Variants in RTN4 observed in about 807,000 individuals in gnomAD.
RTN4 encodes the protein reticulon-4.
RTN4 carries 32 observed loss-of-function variants against 90.4 expected under a neutral mutation model. The observed-to-expected ratio is 0.35, with a 90% CI of 0.27 to 0.48. RTN4 has a LOEUF of 0.48. RTN4 is among the 20% of genes least tolerant of loss of function. The pLI is 0.99. For missense variants in RTN4, 1,706 were observed against 1,430.2 expected (o/e 1.19, Z -3.11); for synonymous variants, 629 against 552.5 (o/e 1.14, Z -1.94).
At chr2:55,070,028 T>A (rs547436453) in intron 2 of RTN4, among the ~76,000 whole-genome samples, 1 of 152,306 alleles carries the variant, frequency 6.6e-6, no homozygotes, top group East Asian at 1.9e-4. Flanking sequence ...GTGGTTTCGA[T>A]GGCAGAGACT....
At chr2:54,982,467 G>C (rs1558761925) in intron 5 of RTN4, 48 bp downstream of exon 5, 6 of 1,521,014 alleles carry the variant, frequency 3.9e-6, no homozygotes, top group Non-Finnish European at 5.4e-6. Context: ...CAACTCTCTT[G>C]ATACTAAATT....
chr2:55,004,726 C>T (rs957758978), intron 3 of RTN4, among the ~76,000 whole-genome samples: 1 of 151,914 alleles, frequency 6.6e-6, no homozygotes, highest in African/African-American at 2.4e-5. Context: ...ATCAGAAGAC[C>T]CAGTGATGAA....
the RTN4 span, among the ~76,000 whole-genome samples, chr2:55,120,754 C>T: frequency 6.6e-6 from 1 of 151,932 alleles, no homozygotes; most frequent in Non-Finnish European, 1.5e-5. Flanking sequence ...CCAGGCAGGG[C>T]TCGGGCGGGC....
At chr2:54,980,345 G>GT (rs1398335079) in intron 5 of RTN4, among the ~76,000 whole-genome samples, 1 of 142,102 alleles carries the variant, frequency 7.0e-6, no homozygotes, top group African/African-American at 2.6e-5. Flanking sequence ...CTCTTGCCCC[G>GT]TATCTACACA....
chr2:55,116,852 G>A (rs1020121245), upstream of RTN4, among the ~76,000 whole-genome samples: 2 of 147,294 alleles, frequency 1.4e-5, no homozygotes, highest in African/African-American at 5.0e-5. Flanking sequence ...ATGCATAGCT[G>A]TTTCTTTTTC....
At chr2:54,979,231 T>G (rs879260830) in intron 5 of RTN4, among the ~76,000 whole-genome samples, 122 of 151,986 alleles carry the variant, frequency 8.0e-4, no homozygotes, top group Non-Finnish European at 1.4e-3. Context: ...TTTTCAGTTT[T>G]TTTTTTTTTA....
upstream of RTN4, among the ~76,000 whole-genome samples, chr2:55,115,535 A>G (rs1326414348): frequency 6.6e-6 from 1 of 152,234 alleles, no homozygotes. Context: ...GAAGATTTCT[A>G]GAAATCTGAG....
chr2:55,078,409 T>C (rs1573502383), intron 2 of RTN4, among the ~76,000 whole-genome samples: 1 of 152,176 alleles, frequency 6.6e-6, no homozygotes, highest in African/African-American at 2.4e-5. Context: ...CAGCCTAGTT[T>C]TGCCATATTA....
rs1335522753 is a variant in RTN4 at position 55,093,538 on chromosome 2, G to A, written c.-213-12899C>T. ...GCACTCATAACCTCTAAGTGATTCC[G>A]CAGCATAGCTTAGAGGTGATGCTTC... On this transcript the variant is annotated intron_variant, in intron 1 of 3. Coordinates refer to the RTN4 transcript ENST00000427710. 3.3e-5 allele frequency among the ~76,000 whole-genome samples: 5 copies of A among 152,022 alleles called. No individual in the cohort carries two copies. In the East Asian group the frequency reaches 5.8e-4, roughly 18 times the overall value.
intron 1 of RTN4, among the ~76,000 whole-genome samples, chr2:55,038,491 A>G (rs528074328): frequency 7.8e-6 from 1 of 127,928 alleles, no homozygotes; most frequent in Non-Finnish European, 1.8e-5. Flanking sequence ...CACTTCACCA[A>G]AGAAAACACA....
At chr2:55,094,461 T>C (rs1265814539) in intron 1 of RTN4, among the ~76,000 whole-genome samples, 1 of 152,218 alleles carries the variant, frequency 6.6e-6, no homozygotes. Context: ...TGGGTACTGT[T>C]GCGCAGTGAA....
At chr2:55,109,285 C>T (rs1667995658) in intron 1 of RTN4, among the ~76,000 whole-genome samples, 2 of 152,114 alleles carry the variant, frequency 1.3e-5, no homozygotes, top group Non-Finnish European at 2.9e-5. Flanking sequence ...AGTCACTGAA[C>T]AGCCTGAGCC....
chr2:55,083,503 GA>G (rs1050376223), intron 1 of RTN4, among the ~76,000 whole-genome samples: 4 of 147,366 alleles, frequency 2.7e-5, no homozygotes, highest in East Asian at 2.0e-4. Context: ...TCTCAAAGAA[GA>G]AAAAAAAACA....
chr2:55,047,954 A>G (rs1197849273), intron 1 of RTN4, among the ~76,000 whole-genome samples: 3 of 152,218 alleles, frequency 2.0e-5, no homozygotes, highest in Non-Finnish European at 2.9e-5. Context: ...AGGATCTGAG[A>G]AATGTATTGT....
chr2:55,026,723 C>A lies in RTN4; in HGVS notation c.1376G>T (p.Gly459Val). ...STPEGIKDRS[G>V]AYITCAPFNP... ...AAAGGGAGCACATGTGATATATGCT[C>A]CTGAACGATCCTTTATACCTTCTGG... is the stretch of plus-strand genomic sequence containing the variant. The change falls in exon 3 of 9, where the codon GGA becomes GTA. Residue 459 changes from glycine to valine, a missense_variant. By Grantham distance (109) the Gly-to-Val change is moderately radical. Coordinates refer to ENST00000337526, the MANE Select transcript of RTN4 (RefSeq NM_020532.5). The A allele has an allele frequency of 6.2e-7, 1 of 1,613,828 alleles. No homozygotes were observed. The highest frequency in any genetic ancestry group is 8.5e-7 in the Non-Finnish European group (1 of 1,179,874).
chr2:55,048,801 A>T (rs1345554000), intron 1 of RTN4, among the ~76,000 whole-genome samples: 1 of 152,220 alleles, frequency 6.6e-6, no homozygotes, highest in Non-Finnish European at 1.5e-5. Context: ...CCACGAGTTC[A>T]ATTAGCCAAT....
At chr2:55,020,307 C>G (rs928903077) in intron 3 of RTN4, among the ~76,000 whole-genome samples, 1 of 151,932 alleles carries the variant, frequency 6.6e-6, no homozygotes, top group Non-Finnish European at 1.5e-5. Flanking sequence ...ATATACTACA[C>G]AGCTATAGTA....
chr2:55,025,193 T>C lies in RTN4; in HGVS notation c.2906A>G (p.Lys969Arg). 1 of 1,613,842 alleles carries C rather than the reference T, an allele frequency of 6.2e-7. No homozygotes were observed. ...AGCTTCTTTCACAAGAACTTTGGGT[T>C]TAACTATGCTCTCTATCTCTGCTTG... ...ATQAEIESIV[K>R]PKVLVKEAEK... The change falls in exon 3 of 9, where the codon AAA becomes AGA. Residue 969 changes from lysine to arginine, a missense_variant. Lys to Arg is a conservative substitution (Grantham distance 26). Transcript: ENST00000337526.
At chr2:55,045,386 T>C (rs747995511) in intron 1 of RTN4, among the ~76,000 whole-genome samples, 14 of 152,236 alleles carry the variant, frequency 9.2e-5, no homozygotes, top group Non-Finnish European at 2.1e-4. Flanking sequence ...CTTATACTCT[T>C]ATATTCCTCC....
Sources: allele counts gnomAD v4.1 joint callset (sites outside exome capture counted in the v4.1 genomes callset), GRCh38; gene constraint gnomAD v4.1.1; transcripts MANE v1.5; gene names NCBI Gene and HGNC (gene_info 2026-07-23, HGNC 2026-07-21).